The following CMC1 variants were observed in gnomAD, a reference collection of about 807,000 sequenced individuals.
CMC1 encodes the protein C-X9-C motif containing 1, also known as COX assembly mitochondrial protein homolog.
CMC1 carries 14 observed loss-of-function variants against 14.1 expected under a neutral mutation model. The observed-to-expected ratio is 0.99, with a 90% CI of 0.66 to 1.55. The LOEUF (loss-of-function observed/expected upper bound fraction) is 1.55. Among genes scored for constraint, CMC1 ranks in the 40% most tolerant of loss-of-function variants. The pLI, the probability that CMC1 is intolerant of heterozygous loss-of-function variation, is 0.00. For missense variants in CMC1, 127 were observed against 123.8 expected, an observed-to-expected ratio of 1.03 and a Z score of -0.12; for synonymous variants, 50 against 38.4, an observed-to-expected ratio of 1.30 and a Z score of -1.12.
Position 28,263,381 on chromosome 3 carries a change from G to A in CMC1, c.109+1G>A. The A allele has an allele frequency of 6.4e-7, 1 of 1,563,518 alleles. No individual in the cohort carries two copies. The highest frequency in any genetic ancestry group is 1.4e-5 in the African/African-American group (1 of 73,082). ...GAGAGGTGTTCTGAACAAGTTCAAGGTAACATTCAAATATTCATGTAAAGA... is the reference window on the plus strand; with the variant it reads ...GAGAGGTGTTCTGAACAAGTTCAAGATAACATTCAAATATTCATGTAAAGA... On this transcript the variant is annotated splice_donor_variant, in intron 2 of 3. Coordinates refer to ENST00000466830, the MANE Select transcript of CMC1 (RefSeq NM_182523.2). LOFTEE classifies it high-confidence loss of function.
intron 1 of CMC1, among the ~76,000 whole-genome samples, chr3:28,251,757 A>T (rs1361194148): frequency 1.3e-5 from 2 of 152,354 alleles, no homozygotes; most frequent in South Asian, 2.1e-4. Flanking sequence ...CAGTAGTAAC[A>T]TGGTGGAGAG....
chr3:28,278,271 G>A (rs1700697804), intron 2 of CMC1, among the ~76,000 whole-genome samples: 1 of 152,182 alleles, frequency 6.6e-6, no homozygotes, highest in South Asian at 2.1e-4. Flanking sequence ...TGTGTGTGGA[G>A]AAATTATATT....
intron 2 of CMC1, among the ~76,000 whole-genome samples, chr3:28,314,501 G>T (rs1702791804): frequency 6.6e-6 from 1 of 152,182 alleles, no homozygotes. Flanking sequence ...TAACAGGCTG[G>T]GTTGGGAATG....
chr3:28,259,968 T>A (rs1406556136), intron 1 of CMC1, among the ~76,000 whole-genome samples: 3 of 152,188 alleles, frequency 2.0e-5, no homozygotes, highest in Non-Finnish European at 4.4e-5. Context: ...TTTTTGTAGA[T>A]GCCCTTCATT....
At chr3:28,249,343 A>G (rs1232834968) in intron 1 of CMC1, among the ~76,000 whole-genome samples, 2 of 152,234 alleles carry the variant, frequency 1.3e-5, no homozygotes. Flanking sequence ...CATAATAGGT[A>G]CATACGTATT....
At chr3:28,309,463 G>T (rs1461841481) in intron 2 of CMC1, among the ~76,000 whole-genome samples, 1 of 151,916 alleles carries the variant, frequency 6.6e-6, no homozygotes, top group African/African-American at 2.4e-5. Context: ...GAAAATTAGG[G>T]GTTATCCTTG....
intron 2 of CMC1, among the ~76,000 whole-genome samples, chr3:28,285,559 A>G (rs2125533047): frequency 6.6e-6 from 1 of 152,192 alleles, no homozygotes; most frequent in African/African-American, 2.4e-5. Flanking sequence ...AAGGGATGAG[A>G]AATCTATTGG....
Position 28,324,525 on chromosome 3 carries a change from C to A in CMC1, c.*4896C>A. 1.5e-6 allele frequency: 2 copies of A among 1,310,720 alleles called. No individual in the cohort carries two copies. Among genetic ancestry groups the A allele is most frequent in the East Asian group, 2.4e-5 (1 of 41,104 alleles). 81.2% of individuals were successfully genotyped at this position (1,310,720 alleles called of 1,614,324 possible). A position where few individuals can be genotyped will look rare whatever the true frequency, so the allele number is the denominator to read the frequency against. On this transcript the variant is annotated 3_prime_UTR_variant, in exon 4 of 4. Coordinates refer to ENST00000466830, the MANE Select transcript of CMC1 (RefSeq NM_182523.2). ...GATCATAAAATTCGATAACACTTCA[C>A]CAATTTGAATTCTAGAACTGGTGAT...
intron 1 of CMC1, chr3:28,253,643 AAAG>A: frequency 2.8e-6 from 2 of 707,626 alleles, no homozygotes; most frequent in Admixed American, 3.3e-5. Flanking sequence ...CTAAACAAAC[AAAG>A]AAGAGGGATC....
chr3:28,293,280 C>T (rs538825029), intron 2 of CMC1, among the ~76,000 whole-genome samples: 1 of 150,732 alleles, frequency 6.6e-6, no homozygotes, highest in South Asian at 2.1e-4. Context: ...AGAAGCTTTC[C>T]ATTTGATTAA....
At chr3:28,308,331 T>A (rs1246836182) in intron 2 of CMC1, among the ~76,000 whole-genome samples, 2 of 152,164 alleles carry the variant, frequency 1.3e-5, no homozygotes, top group Admixed American at 6.5e-5. Context: ...ATACAATACA[T>A]TGAGCAATAT....
intron 2 of CMC1, among the ~76,000 whole-genome samples, chr3:28,267,380 C>T (rs1275947235): frequency 4.6e-5 from 7 of 152,138 alleles, no homozygotes; most frequent in African/African-American, 7.2e-5. Context: ...ATAATAACAG[C>T]CCTTTCTCTT....
At chr3:28,301,041 C>T (rs926387807) in intron 2 of CMC1, among the ~76,000 whole-genome samples, 10 of 150,364 alleles carry the variant, frequency 6.7e-5, no homozygotes, top group Admixed American at 2.0e-4. Flanking sequence ...TTAGTGGCTA[C>T]ATAGTATTTC....
At chr3:28,288,479 A>C (rs2125541055) in intron 2 of CMC1, among the ~76,000 whole-genome samples, 1 of 152,130 alleles carries the variant, frequency 6.6e-6, no homozygotes, top group East Asian at 1.9e-4. Flanking sequence ...CATTACCGTA[A>C]ATGTAACATT....
chr3:28,324,008 T>A lies in CMC1; in HGVS notation c.*4379T>A. 6.4e-7 allele frequency: 1 copy of A among 1,555,488 alleles called. No individual in the cohort carries two copies. The highest frequency in any genetic ancestry group is 2.3e-5 in the East Asian group (1 of 44,278). ...TGGGAGGACCACTGAAAGAGATAAG[T>A]GTCCTCATGGTGAAATCGTGAATCT... On this transcript the variant is annotated 3_prime_UTR_variant, in exon 4 of 4. Transcript: ENST00000466830.
chr3:28,253,554 C>G (rs771456568), intron 1 of CMC1, among the ~76,000 whole-genome samples: 1 of 151,956 alleles, frequency 6.6e-6, no homozygotes, highest in African/African-American at 2.4e-5. Flanking sequence ...GCGCCCTATC[C>G]TGGGTGACAG....
In CMC1 at chr3:28,317,761, A is replaced by G. The variant is rs547905844; in HGVS notation, c.200+1338A>G. 4 of 152,166 alleles carry G rather than the reference A, an allele frequency of 2.6e-5. No homozygotes were observed. The South Asian group carries it at 8.3e-4, about 32-fold the overall frequency. 9.4% of individuals were successfully genotyped at this position (152,166 alleles called of 1,614,324 possible). A position where few individuals can be genotyped will look rare whatever the true frequency, so the allele number is the denominator to read the frequency against. Reference sequence around the variant, plus strand: ...CCTCATTGTAAGAAGGAATAATTATATCTTATGGAGTGATTGTGAGGTACT... The same window carrying G: ...CCTCATTGTAAGAAGGAATAATTATGTCTTATGGAGTGATTGTGAGGTACT... On this transcript the variant is annotated intron_variant, in intron 3 of 3. Transcript: ENST00000466830.
chr3:28,320,820 GTTA>G lies in CMC1; in HGVS notation c.*1194_*1196del, dbSNP rs1193237858. On this transcript the variant is annotated 3_prime_UTR_variant, in exon 4 of 4. Coordinates refer to ENST00000466830, the MANE Select transcript of CMC1 (RefSeq NM_182523.2). ...AATAATTTGAGCTTTTATATTAAAA[GTTA>G]TTTTTTCCCCATGAGCTGTTAACTC... 2.1e-5 allele frequency: 3 copies of G among 141,620 alleles called. No individual in the cohort carries two copies. Among genetic ancestry groups the G allele is most frequent in the African/African-American group, 7.4e-5 (3 of 40,760 alleles). The allele number at this position is 141,620 out of a possible 1,614,324, so 8.8% of individuals were successfully genotyped here.
At chr3:28,309,478 G>A (rs17638991) in intron 2 of CMC1, among the ~76,000 whole-genome samples, 8 of 151,756 alleles carry the variant, frequency 5.3e-5, no homozygotes, top group South Asian at 2.1e-4. Context: ...TCCTTGACTC[G>A]TCCTTCTATT....
Sources: gnomAD v4.1 joint callset for allele counts (sites outside exome capture counted in the v4.1 genomes callset) on GRCh38, gnomAD v4.1.1 for gene constraint, MANE v1.5 for transcripts, NCBI Gene and HGNC (gene_info 2026-07-23, HGNC 2026-07-21) for gene names.